Variants in PIK3R6 observed in about 807,000 individuals in gnomAD.
The protein encoded by PIK3R6 is phosphoinositide 3-kinase regulatory subunit 6.
Under a neutral mutation model 84.9 loss-of-function variants are expected in PIK3R6, and 91 were observed. The ratio of observed to expected loss-of-function variants is 1.07; its 90% confidence interval spans 0.90 to 1.28. The LOEUF (loss-of-function observed/expected upper bound fraction) is 1.28. Ranked by LOEUF, PIK3R6 falls within the 50% of genes most tolerant of loss-of-function variation. The pLI is 0.00. For synonymous variants in PIK3R6, 416 were observed against 411.4 expected (o/e 1.01, Z -0.13); for missense variants, 996 against 985.1 (o/e 1.01, Z -0.15).
rs1228953934 is a variant in PIK3R6 at position 8,828,859 on chromosome 17, C to T, written c.1021G>A (p.Gly341Ser). 2 of 1,594,798 alleles carry T rather than the reference C, an allele frequency of 1.3e-6. No homozygotes were observed. Among genetic ancestry groups the T allele is most frequent in the African/African-American group, 1.3e-5 (1 of 74,380 alleles). Residue 341 changes from glycine (G) to serine (S), a missense_variant, in exon 11 of 20, where the codon GGC (glycine) becomes AGC (serine). Coordinates refer to ENST00000619866, the MANE Select transcript of PIK3R6 (RefSeq NM_001010855.4). Reference protein sequence around the residue: ...ARVSVLSTDSGIERDLPTGAD... With the variant: ...ARVSVLSTDSSIERDLPTGAD... ...CCCGTGGGAAGGTCCCGCTCAATGCCGCTGTCAGTGGACAGCACAGAAACC... is the reference window on the plus strand; with the variant it reads ...CCCGTGGGAAGGTCCCGCTCAATGCTGCTGTCAGTGGACAGCACAGAAACC...
At chr17:8,856,075 A>G (rs1228201924) in intron 1 of PIK3R6, among the ~76,000 whole-genome samples, 3 of 152,334 alleles carry the variant, frequency 2.0e-5, no homozygotes, top group South Asian at 2.1e-4. Flanking sequence ...TAAATCCTGC[A>G]TGCCGTATGG....
At position 8,839,893 on chromosome 17, in the gene PIK3R6, G is replaced by T. The variant is rs1597419761; in HGVS notation, c.14-196C>A. Among the ~76,000 whole-genome samples, 1 of 152,142 alleles carries T rather than the reference G, an allele frequency of 6.6e-6. No individual in the cohort carries two copies. Among genetic ancestry groups the T allele is most frequent in the African/African-American group, 2.4e-5 (1 of 41,428 alleles). ...TCCCTTCCACGTTTCTGTGTTCTTT[G>T]TAAAACCTGCATTTCCCAAAGTGCA... On this transcript the variant is annotated intron_variant, in intron 2 of 19. Transcript: ENST00000619866. This position sits in a 1 kb window ranked among gnomAD's most constrained non-coding sequence, Gnocchi z 4.2.
Position 8,823,495 on chromosome 17 carries a change from A to G in PIK3R6, c.1518T>C (p.Pro506=). 1.2e-6 allele frequency: 2 copies of G among 1,600,628 alleles called. No homozygotes were observed. Among genetic ancestry groups the G allele is most frequent in the Non-Finnish European group, 1.7e-6 (2 of 1,168,258 alleles). Residue 506 remains proline, a splice_region_variant and synonymous_variant, in exon 14 of 20, where the codon CCT becomes CCC. Transcript: ENST00000619866. The part of the protein sequence containing the change: ...CPAIHKLAEM[P]PSLDTSRTVD... ...CAGTCCGGGATGTGTCCAGGGAAGGAGGCTGTGATGGAGACAGGGAATGTC... is the reference window on the plus strand; with the variant it reads ...CAGTCCGGGATGTGTCCAGGGAAGGGGGCTGTGATGGAGACAGGGAATGTC...
At position 8,849,566 on chromosome 17, in the gene PIK3R6, G is replaced by C. The variant is rs2088892137; in HGVS notation, c.13+216C>G. Among the ~76,000 whole-genome samples, 3 of 152,230 alleles carry C rather than the reference G, an allele frequency of 2.0e-5. No individual in the cohort carries two copies. The South Asian group carries it at 6.2e-4, about 32-fold the overall frequency. On this transcript the variant is annotated intron_variant, in intron 2 of 19. Transcript: ENST00000619866. Reference sequence around the variant, plus strand: ...TTCTTGTCATTATTCCCATTGTCAAGCTCAGTGTCCAGCGAGCAGTTGGAG... The same window carrying C: ...TTCTTGTCATTATTCCCATTGTCAACCTCAGTGTCCAGCGAGCAGTTGGAG...
chr17:8,827,070 CCATTTCACCCT>C, intron 13 of PIK3R6, 91 bp downstream of exon 13: 1 of 1,368,526 alleles, frequency 7.3e-7, no homozygotes, highest in Non-Finnish European at 9.9e-7. Context: ...CCTCTCACCC[CCATTTCACCCT>C]CGCTGCCTAC....
chr17:8,840,290 G>T (rs2088630824), intron 2 of PIK3R6, among the ~76,000 whole-genome samples: 1 of 138,756 alleles, frequency 7.2e-6, no homozygotes, highest in Non-Finnish European at 1.6e-5. Flanking sequence ...AATATATACA[G>T]CCTACAAATA....
rs1436783811 is a variant in PIK3R6, at chr17:8,828,682, G to C, written c.1198C>G (p.Pro400Ala). 1 of 1,611,858 alleles carries C rather than the reference G, an allele frequency of 6.2e-7. No homozygotes were observed. Among genetic ancestry groups the C allele is most frequent in the Non-Finnish European group, 8.5e-7 (1 of 1,179,254 alleles). The change falls in exon 11 of 20, where the codon CCC becomes GCC. Residue 400 changes from proline to alanine, a missense_variant. Coordinates refer to ENST00000619866, the MANE Select transcript of PIK3R6 (RefSeq NM_001010855.4). ...GGCAGCATTTCCCCATCCCCACTGG[G>C]CCGGCCTGTCCTCCGGTGCAGCCCT... The part of the protein sequence containing the change: ...PPGLHRRTGR[P>A]SGDGEMLPGV...
intron 12 of PIK3R6, among the ~76,000 whole-genome samples, chr17:8,827,528 G>C (rs1034993673): frequency 3.3e-5 from 5 of 152,128 alleles, no homozygotes; most frequent in African/African-American, 1.2e-4. Flanking sequence ...ACTTTAAAAG[G>C]GGAGAGACAA....
At chr17:8,813,270 T>TA (rs35198952) in intron 18 of PIK3R6, among the ~76,000 whole-genome samples, 2 of 151,694 alleles carry the variant, frequency 1.3e-5, no homozygotes, top group African/African-American at 4.8e-5. Flanking sequence ...AACTCTCAAT[T>TA]AAAAAAAACC....
chr17:8,806,077 T>C (rs196448), intron 18 of PIK3R6, among the ~76,000 whole-genome samples: 64,553 of 151,974 alleles, frequency 0.42, 14,385 homozygotes, highest in South Asian at 0.56. Flanking sequence ...GAATGTCACT[T>C]GTGACCCTCC....
At chr17:8,830,305 G>A (rs1031774495) in intron 9 of PIK3R6, among the ~76,000 whole-genome samples, 1 of 152,276 alleles carries the variant, frequency 6.6e-6, no homozygotes, top group African/African-American at 2.4e-5. Context: ...ACCCCGGGCA[G>A]TCCAGGGGAG....
At chr17:8,835,212 T>G in intron 8 of PIK3R6, 61 bp downstream of exon 8, 1 of 1,354,942 alleles carries the variant, frequency 7.4e-7, no homozygotes, top group Non-Finnish European at 9.7e-7. Flanking sequence ...GGTGAATGAC[T>G]GGTATGGGCA....
chr17:8,854,053 T>C (rs1440807274), intron 1 of PIK3R6, among the ~76,000 whole-genome samples: 1 of 152,056 alleles, frequency 6.6e-6, no homozygotes, highest in Admixed American at 6.6e-5. Flanking sequence ...TTTTTGTAGA[T>C]ACATATAAGT....
rs1057010335 is a variant in PIK3R6 at position 8,833,175 on chromosome 17, G to C, written c.646-130C>G. On this transcript the variant is annotated intron_variant, in intron 8 of 19. Transcript: ENST00000619866. Reference sequence around the variant, plus strand: ...CGCTGCCCCTGGGGGCCCGGCAGGAGCTTCCCCCGAAGGCTTCTGGATCCC... The same window carrying C: ...CGCTGCCCCTGGGGGCCCGGCAGGACCTTCCCCCGAAGGCTTCTGGATCCC... 12 of 1,308,520 alleles carry C rather than the reference G, an allele frequency of 9.2e-6. No homozygotes were observed. In the Admixed American group the frequency reaches 1.1e-4, roughly 13 times the overall value. The allele number at this position is 1,308,520 out of a possible 1,614,324, so 81.1% of individuals were successfully genotyped here.
At chr17:8,851,520 C>A (rs1340221029) in intron 1 of PIK3R6, among the ~76,000 whole-genome samples, 3 of 151,954 alleles carry the variant, frequency 2.0e-5, no homozygotes, top group Non-Finnish European at 2.9e-5. Context: ...ACAAAACAAA[C>A]CAACCAAACA....
Position 8,865,443 on chromosome 17 carries a change from C to T in PIK3R6, c.-92+2086G>A, listed in dbSNP as rs1443736303. 2.0e-5 allele frequency among the ~76,000 whole-genome samples: 3 copies of T among 152,184 alleles called. No individual in the cohort carries two copies. The East Asian group carries it at 5.8e-4, about 29-fold the overall frequency. On this transcript the variant is annotated intron_variant, in intron 1 of 19. Transcript: ENST00000619866. ...AAAGACGGGGAGCTTCCCAGGGCCA[C>T]ACTCTGTCTGCCTCCTGTCCTCCAG...
rs776948352 is a variant in PIK3R6 at position 8,819,136 on chromosome 17, C to T, written c.1942G>A (p.Val648Ile). Reference sequence around the variant, plus strand: ...GACTTGACAACCTCTGTCACGTTGACATTCAGACATGTGTGGTCTGTGACA... The same window carrying T: ...GACTTGACAACCTCTGTCACGTTGATATTCAGACATGTGTGGTCTGTGACA... ...APVTDHTCLN[V>I]NVTEVVKSSN... The change falls in exon 18 of 20, where the codon GTC (valine) becomes ATC (isoleucine). Residue 648 changes from valine (V) to isoleucine (I), a missense_variant. By Grantham distance (29) the Val-to-Ile change is conservative. Transcript: ENST00000619866. The T allele has an allele frequency of 6.2e-7, 1 of 1,610,490 alleles. No individual in the cohort carries two copies. Among genetic ancestry groups the T allele is most frequent in the Non-Finnish European group, 8.5e-7 (1 of 1,178,448 alleles).
At chr17:8,815,910 C>T (rs951042960) in intron 18 of PIK3R6, among the ~76,000 whole-genome samples, 3 of 152,204 alleles carry the variant, frequency 2.0e-5, no homozygotes, top group African/African-American at 7.2e-5. Flanking sequence ...TACACATGTA[C>T]ACTATCTTCG....
In PIK3R6 at chr17:8,823,493, G is replaced by T. The variant is rs1332871799; in HGVS notation, c.1520C>A (p.Pro507His). Residue 507 changes from proline to histidine, a missense_variant, in exon 14 of 20, where the codon CCT becomes CAT. Pro to His is a moderately conservative substitution (Grantham distance 77). Transcript: ENST00000619866. ...CACAGTCCGGGATGTGTCCAGGGAA[G>T]GAGGCTGTGATGGAGACAGGGAATG... ...PAIHKLAEMPPSLDTSRTVDP... is the reference protein window; with the variant it reads ...PAIHKLAEMPHSLDTSRTVDP... 2.5e-6 allele frequency: 4 copies of T among 1,604,012 alleles called. No homozygotes were observed. The highest frequency in any genetic ancestry group is 2.2e-5 in the East Asian group (1 of 44,828).
Sources: gnomAD v4.1 joint callset for allele counts (sites outside exome capture counted in the v4.1 genomes callset) on GRCh38, gnomAD v4.1.1 for gene constraint, Gnocchi (gnomAD v3.1) non-coding constraint, MANE v1.5 for transcripts, NCBI Gene and HGNC (gene_info 2026-07-23, HGNC 2026-07-21) for gene names.